KIF13B: variants seen among roughly 807,000 people sequenced by gnomAD.
KIF13B encodes the protein kinesin family member 13B, also known as kinesin-like protein KIF13B.
A neutral mutation model predicts 222.0 loss-of-function variants in KIF13B; 127 were observed. That is an observed-to-expected ratio of 0.57 (90% CI 0.50 to 0.66). The LOEUF (loss-of-function observed/expected upper bound fraction) is 0.66. Among genes scored for constraint, KIF13B ranks in the 30% least tolerant of loss-of-function variants. KIF13B has a pLI of 0.00. For synonymous variants in KIF13B, 976 were observed against 919.0 expected (o/e 1.06, Z -1.12); for missense variants, 2,173 against 2,379.0 (o/e 0.91, Z 1.80).
chr8:29,208,792 T>A (rs950253128), intron 2 of KIF13B, among the ~76,000 whole-genome samples: 9 of 152,224 alleles, frequency 5.9e-5, no homozygotes, highest in African/African-American at 1.7e-4. Flanking sequence ...AAGTCAAGTA[T>A]GCTCCCCACA....
At chr8:29,148,825 T>C in intron 15 of KIF13B, 58 bp from the exon 16 acceptor site, 1 of 1,396,088 alleles carries the variant, frequency 7.2e-7, no homozygotes, top group Non-Finnish European at 9.8e-7. Context: ...ATTCATGTCA[T>C]TCATTAAGTA....
At position 29,180,189 on chromosome 8, in the gene KIF13B, G is replaced by A; in HGVS notation, c.635C>T (p.Ala212Val). The A allele has an allele frequency of 1.9e-6, 3 of 1,613,946 alleles. No individual in the cohort carries two copies. Among genetic ancestry groups the A allele is most frequent in the South Asian group, 2.2e-5 (2 of 91,086 alleles). Residue 212 changes from alanine to valine, a missense_variant, in exon 8 of 40, where the codon GCA becomes GTA. Ala to Val is a moderately conservative substitution (Grantham distance 64). This residue lies in a region of KIF13B where 1,480 missense variants were observed against 1,722.8 expected (regional missense o/e 0.86). Transcript: ENST00000524189. ...GCTACTCTCCTCGTTCATGTTGGTT[G>A]CAGCAACTGTGCGAGATTTGTTACC... ...SEGNKSRTVA[A>V]TNMNEESSRS... is the part of the protein sequence containing the mutation.
chr8:29,186,158 T>A, intron 6 of KIF13B, 134 bp downstream of exon 6: 1 of 662,778 alleles, frequency 1.5e-6, no homozygotes, highest in Non-Finnish European at 2.6e-6. Flanking sequence ...AAGTAAGCTA[T>A]GATTGTGCCA....
At position 29,105,269 on chromosome 8, in the gene KIF13B, C is replaced by A. The variant is rs568880695; in HGVS notation, c.4215+2870G>T. On this transcript the variant is annotated intron_variant, in intron 35 of 39. Transcript: ENST00000524189. ...TACAAGCATGAGCCACCGCGCCCGG[C>A]CTGTACACTCTGAGCTTGACTCCCA... Among the ~76,000 whole-genome samples, 2 of 152,322 alleles carry A rather than the reference C, an allele frequency of 1.3e-5. 1 individual carries two copies. The highest frequency in any genetic ancestry group is 4.1e-4 in the South Asian group (2 of 4,830).
chr8:29,099,125 T>TA lies in KIF13B; in HGVS notation c.4324+7dup. The TA allele has an allele frequency of 6.3e-7, 1 of 1,594,370 alleles. No individual in the cohort carries two copies. Among genetic ancestry groups the TA allele is most frequent in the Non-Finnish European group, 8.6e-7 (1 of 1,161,976 alleles). ...TGACAGTAATTGACAAGTGAAAAGA[T>TA]AACTTACCTGGATCTGGAGAATGGT... On this transcript the variant is annotated splice_region_variant and intron_variant, in intron 36 of 39. Transcript: ENST00000524189.
intron 26 of KIF13B, among the ~76,000 whole-genome samples, 192 bp downstream of exon 26, chr8:29,126,290 T>C (rs1810105557): frequency 6.6e-6 from 1 of 152,082 alleles, no homozygotes; most frequent in South Asian, 2.1e-4. Flanking sequence ...CACGAATGAT[T>C]TCCCACTCCT....
At chr8:29,109,179 TC>T (rs1404517938) in intron 34 of KIF13B, among the ~76,000 whole-genome samples, 1 of 152,196 alleles carries the variant, frequency 6.6e-6, no homozygotes, top group Non-Finnish European at 1.5e-5. Flanking sequence ...AACACCTCAG[TC>T]TATGCTAGGC....
chr8:29,107,121 A>C (rs1239852582), intron 35 of KIF13B, among the ~76,000 whole-genome samples: 1 of 152,228 alleles, frequency 6.6e-6, no homozygotes, highest in East Asian at 1.9e-4. Context: ...CCAGCGAATA[A>C]AATTTCCGTT....
chr8:29,087,522 T>A (rs1211959717), intron 37 of KIF13B, among the ~76,000 whole-genome samples: 1 of 152,178 alleles, frequency 6.6e-6, no homozygotes, highest in Non-Finnish European at 1.5e-5. Flanking sequence ...AAAAGAGAAG[T>A]AGTACAGTGA....
intron 2 of KIF13B, among the ~76,000 whole-genome samples, chr8:29,200,555 T>C (rs1215805687): frequency 2.6e-5 from 4 of 152,208 alleles, no homozygotes; most frequent in Non-Finnish European, 5.9e-5. Context: ...CTTCCTCAAA[T>C]GTTAACCACC....
chr8:29,137,141 C>G (rs1255820675), intron 21 of KIF13B, among the ~76,000 whole-genome samples: 2 of 152,122 alleles, frequency 1.3e-5, no homozygotes, highest in Non-Finnish European at 2.9e-5. Context: ...ATACATACTT[C>G]TTAGTGACTA....
chr8:29,257,586 A>G (rs187288406), intron 1 of KIF13B, among the ~76,000 whole-genome samples: 3 of 152,298 alleles, frequency 2.0e-5, no homozygotes, highest in East Asian at 1.9e-4. Flanking sequence ...TTATAAATGT[A>G]TATTTCTTGA....
rs373131230 is a variant in KIF13B at position 29,109,464 on chromosome 8, C to T, written c.4131G>A (p.Arg1377=). The T allele has an allele frequency of 4.5e-5, 72 of 1,613,812 alleles. No homozygotes were observed. The highest frequency in any genetic ancestry group is 5.7e-5 in the Non-Finnish European group (67 of 1,179,828). ...TCACATTTGGAGAACTGATACTCCT[C>T]CTGCTCAACTTTCCTTTTCCTGTTA... The part of the protein sequence containing the change: ...EQLTGKGKLS[R]RSISSPNVNR... Residue 1377 remains arginine (R), a synonymous_variant, in exon 34 of 40, where the codon AGG becomes AGA. Coordinates refer to ENST00000524189, the MANE Select transcript of KIF13B (RefSeq NM_015254.4).
intron 2 of KIF13B, among the ~76,000 whole-genome samples, chr8:29,216,182 A>G (rs1302037916): frequency 6.6e-6 from 1 of 152,216 alleles, no homozygotes; most frequent in Non-Finnish European, 1.5e-5. Context: ...TAATACACCA[A>G]CCCTACAAGG....
chr8:29,221,942 T>C (rs373948885), intron 2 of KIF13B, among the ~76,000 whole-genome samples: 8 of 152,202 alleles, frequency 5.3e-5, no homozygotes, highest in African/African-American at 1.9e-4. Flanking sequence ...TCGGTAGTTT[T>C]CTATCTTTAC....
chr8:29,124,883 C>CAAA (rs35910865), intron 26 of KIF13B, among the ~76,000 whole-genome samples: 1 of 125,750 alleles, frequency 8.0e-6, no homozygotes, highest in Non-Finnish European at 1.7e-5. Flanking sequence ...AACTCCATCC[C>CAAA]AAAAAAAAAA....
chr8:29,257,415 T>C (rs1424224652), intron 1 of KIF13B, among the ~76,000 whole-genome samples: 2 of 151,972 alleles, frequency 1.3e-5, no homozygotes, highest in Non-Finnish European at 2.9e-5. Context: ...AATACATCCA[T>C]TTCCACTCAA....
Position 29,113,252 on chromosome 8 carries a change from G to C in KIF13B, c.3930+211C>G, listed in dbSNP as rs558184754. 1.2e-4 allele frequency among the ~76,000 whole-genome samples: 18 copies of C among 152,240 alleles called. 1 individual carries two copies. Among genetic ancestry groups the C allele is most frequent in the South Asian group, 1.0e-3 (5 of 4,816 alleles). ...GAAGGTGTTGATTTGCTTTTCAAAA[G>C]AAAGTTCTTCAACAAAATACTAAAA... On this transcript the variant is annotated intron_variant, in intron 32 of 39. Coordinates refer to ENST00000524189, the MANE Select transcript of KIF13B (RefSeq NM_015254.4).
chr8:29,134,594 G>T (rs992664044), intron 21 of KIF13B, among the ~76,000 whole-genome samples: 8 of 152,184 alleles, frequency 5.3e-5, no homozygotes, highest in Non-Finnish European at 1.2e-4. Context: ...ACAGAACAAG[G>T]TTGTCAGGCA....
Sources: gnomAD v4.1 joint callset for allele counts (sites outside exome capture counted in the v4.1 genomes callset) on GRCh38, gnomAD v4.1.1 for gene constraint, gnomAD v4.1.1 regional missense constraint, MANE v1.5 for transcripts, NCBI Gene and HGNC (gene_info 2026-07-23, HGNC 2026-07-21) for gene names.